SUGCT: variants seen among roughly 807,000 people sequenced by gnomAD.
SUGCT encodes succinyl-CoA:glutarate-CoA transferase.
SUGCT carries 41 observed loss-of-function variants against 55.0 expected under a neutral mutation model. The ratio of observed to expected loss-of-function variants is 0.74; its 90% CI spans 0.58 to 0.97. The LOEUF is 0.97. Ranked by LOEUF, SUGCT falls within the 50% of genes least tolerant of loss-of-function variation. The probability of loss-of-function intolerance (pLI) is 0.00; values close to 1 mark genes in which losing one functional copy is unlikely to be tolerated. For missense variants in SUGCT, 568 were observed against 547.8 expected (o/e 1.04, Z -0.37); for synonymous variants, 187 against 200.4 (o/e 0.93, Z 0.56).
intron 7 of SUGCT, among the ~76,000 whole-genome samples, chr7:40,261,960 C>G (rs1311473106): frequency 6.6e-6 from 1 of 152,096 alleles, no homozygotes; most frequent in Non-Finnish European, 1.5e-5. Context: ...CTTAAAATAT[C>G]ACAATTCCCC....
intron 9 of SUGCT, among the ~76,000 whole-genome samples, chr7:40,412,098 G>T (rs774600802): frequency 6.6e-6 from 1 of 152,096 alleles, no homozygotes; most frequent in African/African-American, 2.4e-5. Flanking sequence ...TGATGTAAAT[G>T]ACTTCTTGTT....
At chr7:40,302,870 A>G (rs1369822761) in intron 8 of SUGCT, among the ~76,000 whole-genome samples, 2 of 152,062 alleles carry the variant, frequency 1.3e-5, no homozygotes, top group Non-Finnish European at 2.9e-5. Context: ...CTAAGTATTC[A>G]TGACTGTGTC....
chr7:40,329,429 C>T (rs557638435), intron 9 of SUGCT, among the ~76,000 whole-genome samples: 27 of 152,172 alleles, frequency 1.8e-4, no homozygotes, highest in Middle Eastern at 3.4e-3. Context: ...GGAAATGGTA[C>T]GTGTGCATGC....
At chr7:40,171,000 C>T (rs1409521101) in intron 1 of SUGCT, among the ~76,000 whole-genome samples, 1 of 152,106 alleles carries the variant, frequency 6.6e-6, no homozygotes, top group African/African-American at 2.4e-5. Context: ...TTCATAACAA[C>T]CCAGCTGCCC....
the SUGCT span, among the ~76,000 whole-genome samples, chr7:40,951,511 G>C: frequency 6.6e-6 from 1 of 152,030 alleles, no homozygotes; most frequent in South Asian, 2.1e-4. Context: ...GAATGTGTTT[G>C]CTCTTGCTTC....
At chr7:40,240,822 C>G (rs996858997) in intron 7 of SUGCT, among the ~76,000 whole-genome samples, 1 of 152,116 alleles carries the variant, frequency 6.6e-6, no homozygotes, top group Non-Finnish European at 1.5e-5. Context: ...CGGTGGAGCC[C>G]AAGTTTATCA....
chr7:40,702,927 T>C (rs1309946500), intron 12 of SUGCT, among the ~76,000 whole-genome samples: 1 of 152,202 alleles, frequency 6.6e-6, no homozygotes, highest in Non-Finnish European at 1.5e-5. Context: ...GGTTCTGTTT[T>C]TATATGTGAC....
Position 40,224,685 on chromosome 7 carries a change from C to G in SUGCT, c.485-12950C>G, listed in dbSNP as rs1312771329. ...AAACATCATAGGCATGCATGGAATA[C>G]TGTAAATGGCAAAAATATGCACCAG... On this transcript the variant is annotated intron_variant, in intron 6 of 13. Coordinates refer to ENST00000335693, the MANE Select transcript of SUGCT (RefSeq NM_001193313.2). Among the ~76,000 whole-genome samples, 55 of 152,072 alleles carry G rather than the reference C, an allele frequency of 3.6e-4. 1 individual carries two copies. Among genetic ancestry groups the G allele is most frequent in the Admixed American group, 3.6e-3 (55 of 15,262 alleles).
chr7:40,779,818 G>A (rs1307360857), intron 13 of SUGCT, among the ~76,000 whole-genome samples: 1 of 152,120 alleles, frequency 6.6e-6, no homozygotes, highest in East Asian at 1.9e-4. Context: ...GAAAAATAAA[G>A]CTTCAGGACA....
chr7:40,640,428 A>C (rs1296428475), intron 12 of SUGCT, among the ~76,000 whole-genome samples: 2 of 151,988 alleles, frequency 1.3e-5, no homozygotes, highest in Admixed American at 6.6e-5. Flanking sequence ...TGGCTAATTC[A>C]ACAAGCATTC....
intron 7 of SUGCT, among the ~76,000 whole-genome samples, chr7:40,259,560 C>T (rs1791077915): frequency 6.6e-6 from 1 of 152,082 alleles, no homozygotes; most frequent in Non-Finnish European, 1.5e-5. Context: ...ATGTTGTACA[C>T]AGTACATATA....
intron 9 of SUGCT, among the ~76,000 whole-genome samples, chr7:40,418,221 ATTGT>A (rs1475444441): frequency 1.4e-4 from 21 of 152,216 alleles, no homozygotes; most frequent in African/African-American, 4.6e-4. Context: ...TGTGTTCCTG[ATTGT>A]TTGATTGCAA....
At chr7:40,259,652 T>A (rs1356572354) in intron 7 of SUGCT, among the ~76,000 whole-genome samples, 51 of 152,220 alleles carry the variant, frequency 3.4e-4, no homozygotes. Context: ...CTGTAATTTG[T>A]AGTCTTATTT....
At chr7:40,704,781 T>A (rs936237119) in intron 12 of SUGCT, among the ~76,000 whole-genome samples, 2 of 152,222 alleles carry the variant, frequency 1.3e-5, no homozygotes, top group Non-Finnish European at 2.9e-5. Flanking sequence ...CGTTACATCA[T>A]ATTAACTTAT....
chr7:40,682,668 T>G (rs369281841), intron 12 of SUGCT, among the ~76,000 whole-genome samples: 2 of 151,884 alleles, frequency 1.3e-5, no homozygotes, highest in Non-Finnish European at 2.9e-5. Flanking sequence ...AAACACTTTG[T>G]TTTTTTTCTA....
At chr7:40,531,124 T>C (rs1169131284) in intron 12 of SUGCT, among the ~76,000 whole-genome samples, 1 of 152,206 alleles carries the variant, frequency 6.6e-6, no homozygotes, top group African/African-American at 2.4e-5. Flanking sequence ...GCCAAGGGGA[T>C]GAATGAAGCT....
At chr7:40,454,854 T>G (rs1483233224) in intron 10 of SUGCT, among the ~76,000 whole-genome samples, 2 of 152,132 alleles carry the variant, frequency 1.3e-5, no homozygotes, top group African/African-American at 2.4e-5. Flanking sequence ...CTAAAATAAT[T>G]TTTCCAGGAA....
chr7:40,962,289 G>C, the SUGCT span, among the ~76,000 whole-genome samples: 1 of 152,040 alleles, frequency 6.6e-6, no homozygotes, highest in Non-Finnish European at 1.5e-5. Flanking sequence ...AGACAGAAAA[G>C]TTCTCCAAGT....
intron 7 of SUGCT, among the ~76,000 whole-genome samples, chr7:40,242,929 ATATATTTTTTTTTTTTTTTT>A: frequency 3.8e-5 from 1 of 26,426 alleles, no homozygotes; most frequent in East Asian, 1.5e-3. Flanking sequence ...ATATATATAT[ATATATTTTTTTTTTTTTTTT>A]TTTTTTTTTT....
Sources: allele counts gnomAD v4.1 joint callset (sites outside exome capture counted in the v4.1 genomes callset), GRCh38; gene constraint gnomAD v4.1.1; transcripts MANE v1.5; gene names NCBI Gene and HGNC (gene_info 2026-07-23, HGNC 2026-07-21).